GPR39: variants seen among roughly 807,000 people sequenced by gnomAD.
GPR39 encodes the protein G protein-coupled receptor 39, also known as zinc sensing receptor.
Under a neutral mutation model 18.4 loss-of-function variants are expected in GPR39, and 23 were observed. The observed-to-expected ratio is 1.25, with a 90% CI of 0.90 to 1.77. The LOEUF (loss-of-function observed/expected upper bound fraction) is 1.77, where lower values mean the gene tolerates loss of function less well. GPR39 is among the 40% of genes most tolerant of loss of function. The pLI, the probability that GPR39 is intolerant of heterozygous loss-of-function variation, is 0.00. For synonymous variants in GPR39, 280 were observed against 257.9 expected (o/e 1.09, Z -0.82); for missense variants, 647 against 602.4 (o/e 1.07, Z -0.78).
chr2:132,492,642 C>CTATATATAATATATATACACACCATA (rs1558814495), intron 1 of GPR39, among the ~76,000 whole-genome samples: 26 of 118,788 alleles, frequency 2.2e-4, no homozygotes, highest in East Asian at 1.7e-3. Context: ...TACACACCAT[C>CTATATATAATATATATACACACCATA]TATATATAAT....
At chr2:132,443,913 A>C (rs1680482393) in intron 1 of GPR39, among the ~76,000 whole-genome samples, 1 of 152,176 alleles carries the variant, frequency 6.6e-6, no homozygotes, top group Non-Finnish European at 1.5e-5. Flanking sequence ...CTATCACAAA[A>C]ATACAAAACC....
rs558356688 is a variant in GPR39, at chr2:132,417,855, C to G, written c.813C>G (p.Ser271Arg). The G allele has an allele frequency of 1.2e-6, 2 of 1,609,956 alleles. No individual in the cohort carries two copies. The highest frequency in any genetic ancestry group is 1.7e-6 in the Non-Finnish European group (2 of 1,179,536). Residue 271 changes from serine (S) to arginine (R), a missense_variant, in exon 1 of 2, where the codon AGC becomes AGG. Transcript: ENST00000329321. The stretch of plus-strand genomic sequence containing the variant: ...CTCCGCAGCTGAGGAAGTCCGAGAG[C>G]GAAGAGAGCAGGACCGCCAGGAGGC... ...TRPPQLRKSE[S>R]EESRTARRQT... is the part of the protein sequence containing the mutation.
At chr2:132,630,815 G>T (rs997623472) in intron 1 of GPR39, among the ~76,000 whole-genome samples, 1 of 152,158 alleles carries the variant, frequency 6.6e-6, no homozygotes, top group Admixed American at 6.5e-5. Context: ...CGACTTGCAG[G>T]TTCCCAGCTA....
intron 1 of GPR39, among the ~76,000 whole-genome samples, chr2:132,520,187 A>G (rs1336638613): frequency 6.6e-6 from 1 of 152,008 alleles, no homozygotes; most frequent in African/African-American, 2.4e-5. Context: ...TACTTTCTTT[A>G]TAAGTCATAA....
Position 132,645,572 on chromosome 2 carries a change from C to T in GPR39, c.1328C>T (p.Ala443Val), listed in dbSNP as rs1265794176. 6.2e-7 allele frequency: 1 copy of T among 1,614,016 alleles called. No individual in the cohort carries two copies. Among genetic ancestry groups the T allele is most frequent in the Admixed American group, 1.7e-5 (1 of 59,984 alleles). Residue 443 changes from alanine (A) to valine (V), a missense_variant, in exon 2 of 2, where the codon GCT (alanine) becomes GTT (valine). Transcript: ENST00000329321. Reference sequence around the variant, plus strand: ...TCAGGCGCGAAACCAGCCAATTCTGCTGCAGAGAATGGTTTTCAGGAGCAT... The same window carrying T: ...TCAGGCGCGAAACCAGCCAATTCTGTTGCAGAGAATGGTTTTCAGGAGCAT... ...PNSGAKPANS[A>V]AENGFQEHEV is the part of the protein sequence containing the mutation.
rs768181387 is a variant in GPR39, at chr2:132,646,104, G to A, written c.*498G>A. On this transcript the variant is annotated 3_prime_UTR_variant, in exon 2 of 2. Coordinates refer to ENST00000329321, the MANE Select transcript of GPR39 (RefSeq NM_001508.3). ...AACAGGATGGTGGTGCGGAGCCCTGGCCTGAGGGCCGAGGCAGAACTTCCC... is the reference window on the plus strand; with the variant it reads ...AACAGGATGGTGGTGCGGAGCCCTGACCTGAGGGCCGAGGCAGAACTTCCC... 1.9e-6 allele frequency: 3 copies of A among 1,607,886 alleles called. No individual in the cohort carries two copies. The highest frequency in any genetic ancestry group is 4.5e-5 in the East Asian group (2 of 44,470).
chr2:132,576,319 G>A (rs902345013), intron 1 of GPR39, among the ~76,000 whole-genome samples: 3 of 152,082 alleles, frequency 2.0e-5, no homozygotes, highest in South Asian at 2.1e-4. Context: ...TTGACAAAGT[G>A]CGGTTTATCA....
intron 1 of GPR39, among the ~76,000 whole-genome samples, chr2:132,435,676 G>A (rs1433043646): frequency 6.6e-6 from 1 of 152,144 alleles, no homozygotes; most frequent in Non-Finnish European, 1.5e-5. Flanking sequence ...TTTGGTTGAG[G>A]ACTCAAGAGA....
chr2:132,451,257 C>T (rs1397459424), intron 1 of GPR39, among the ~76,000 whole-genome samples: 5 of 152,034 alleles, frequency 3.3e-5, no homozygotes, highest in African/African-American at 1.2e-4. Flanking sequence ...CTTCTCACCG[C>T]CACTCTCCCA....
chr2:132,427,615 C>G (rs1222104604), intron 1 of GPR39, among the ~76,000 whole-genome samples: 3 of 150,620 alleles, frequency 2.0e-5, no homozygotes, highest in South Asian at 4.2e-4. Context: ...AGTCTACTTT[C>G]TATGTGCTGC....
At chr2:132,486,425 G>C (rs968903088) in intron 1 of GPR39, among the ~76,000 whole-genome samples, 6 of 152,196 alleles carry the variant, frequency 3.9e-5, no homozygotes, top group African/African-American at 1.4e-4. Context: ...AGCTATGAAA[G>C]TCCTAGATGG....
chr2:132,560,853 G>C (rs1026280133), intron 1 of GPR39, among the ~76,000 whole-genome samples: 1 of 151,642 alleles, frequency 6.6e-6, no homozygotes, highest in Non-Finnish European at 1.5e-5. Context: ...CCATCTTTCT[G>C]TCTATTGGTC....
chr2:132,427,722 A>G (rs1012700477), intron 1 of GPR39, among the ~76,000 whole-genome samples: 4 of 150,274 alleles, frequency 2.7e-5, no homozygotes, highest in African/African-American at 9.7e-5. Context: ...AGTCTCAGTA[A>G]GTTGCCTAGG....
intron 1 of GPR39, among the ~76,000 whole-genome samples, chr2:132,607,132 A>G (rs1681154080): frequency 4.6e-5 from 7 of 152,348 alleles, no homozygotes; most frequent in Admixed American, 3.9e-4. Context: ...GAGTATTCAC[A>G]TGAAAAGGTA....
rs753801511 is a variant in GPR39 at position 132,535,695 on chromosome 2, C to CT, written c.857-109395dup. ...GGCTGTGAATCCATCTGGTCCTGGG[C>CT]TTTTTTTTTTTGGTTGGTAGGCTAT... On this transcript the variant is annotated intron_variant, in intron 1 of 1. Transcript: ENST00000329321. Among the ~76,000 whole-genome samples, 253 of 96,498 alleles carry CT rather than the reference C, an allele frequency of 2.6e-3. 37 individuals carry two copies. The highest frequency in any genetic ancestry group is 0.011 in the Middle Eastern group (2 of 176). 63.3% of individuals were successfully genotyped at this position (96,498 alleles called of 152,430 possible).
chr2:132,447,986 A>G (rs1433670165), intron 1 of GPR39, among the ~76,000 whole-genome samples: 2 of 152,186 alleles, frequency 1.3e-5, no homozygotes, highest in Non-Finnish European at 2.9e-5. Flanking sequence ...GAGAAGTGGA[A>G]GTTTGATTTA....
At chr2:132,437,989 G>T (rs1054990183) in intron 1 of GPR39, among the ~76,000 whole-genome samples, 11 of 152,204 alleles carry the variant, frequency 7.2e-5, no homozygotes, top group African/African-American at 2.2e-4. Context: ...TTACTAAGAG[G>T]TTAGTATTTA....
chr2:132,601,080 T>G (rs59330314), intron 1 of GPR39, among the ~76,000 whole-genome samples: 36,350 of 151,970 alleles, frequency 0.24, 4,839 homozygotes, highest in African/African-American at 0.35. Context: ...TCCAACTATT[T>G]CCCCAAAATT....
intron 1 of GPR39, among the ~76,000 whole-genome samples, chr2:132,554,477 T>C (rs184751262): frequency 1.0e-3 from 152 of 152,270 alleles, no homozygotes; most frequent in Non-Finnish European, 1.6e-3. Flanking sequence ...TGGTAAGGAA[T>C]GAATGAGGGG....
Sources: allele counts gnomAD v4.1 joint callset (sites outside exome capture counted in the v4.1 genomes callset), GRCh38; gene constraint gnomAD v4.1.1; transcripts MANE v1.5; gene names NCBI Gene and HGNC (gene_info 2026-07-23, HGNC 2026-07-21).